QTGAL: variants seen among roughly 807,000 people sequenced by gnomAD.
QTGAL encodes queuosine-tRNA galactosyltransferase.
At chr17:83,036,849 C>T in the QTGAL span, among the ~76,000 whole-genome samples, 115 of 152,258 alleles carry the variant, frequency 7.6e-4, no homozygotes, top group South Asian at 8.7e-3. Flanking sequence ...GAAGGCTCAA[C>T]TTCCCCCTGC....
At chr17:83,006,998 G>A in the QTGAL span, 3 of 391,160 alleles carry the variant, frequency 7.7e-6, no homozygotes, top group African/African-American at 2.2e-5. The surrounding 1 kb of genome is among the most constrained non-coding windows in gnomAD (Gnocchi z 5.8). Context: ...TGGGTGTCTC[G>A]GTTTTCATTC....
chr17:82,947,504 T>C, the QTGAL span: 1 of 153,682 alleles, frequency 6.5e-6, no homozygotes, highest in Non-Finnish European at 1.4e-5. Context: ...TCTTGTCCTG[T>C]GTGCTGGCCT....
chr17:82,950,794 T>G, the QTGAL span, among the ~76,000 whole-genome samples: 2 of 152,190 alleles, frequency 1.3e-5, no homozygotes, highest in Non-Finnish European at 2.9e-5. Context: ...AGCAGTCGTA[T>G]TTTGAAAGGA....
At chr17:83,042,932 CA>C in the QTGAL span, among the ~76,000 whole-genome samples, 1 of 152,066 alleles carries the variant, frequency 6.6e-6, no homozygotes, top group Non-Finnish European at 1.5e-5. Context: ...GACTTCAACT[CA>C]AAAATTATTA....
chr17:82,997,855 G>C, the QTGAL span, among the ~76,000 whole-genome samples: 1 of 151,420 alleles, frequency 6.6e-6, no homozygotes, highest in Non-Finnish European at 1.5e-5. Context: ...AGAATAAAAG[G>C]ATGGTTACCA....
the QTGAL span, among the ~76,000 whole-genome samples, chr17:83,020,400 C>T: frequency 3.3e-5 from 5 of 152,144 alleles, no homozygotes; most frequent in Non-Finnish European, 2.9e-5. Flanking sequence ...CTTCCAGGAA[C>T]GGACGAATAA....
the QTGAL span, among the ~76,000 whole-genome samples, chr17:83,029,942 C>T: frequency 0.015 from 2,224 of 152,286 alleles, 53 homozygotes; most frequent in African/African-American, 0.051. Context: ...AATAAATCTG[C>T]CTTTCTTGAC....
chr17:83,041,085 G>T, the QTGAL span, among the ~76,000 whole-genome samples: 1 of 137,778 alleles, frequency 7.3e-6, no homozygotes, highest in African/African-American at 2.6e-5. Flanking sequence ...AAAAAAAAAT[G>T]GCTGAAAAAT....
chr17:82,959,772 T>C, the QTGAL span, among the ~76,000 whole-genome samples: 1 of 152,014 alleles, frequency 6.6e-6, no homozygotes, highest in East Asian at 1.9e-4. Flanking sequence ...GACGGCCCCT[T>C]GTCTCCTGGG....
chr17:82,994,129 TAGA>T, the QTGAL span, among the ~76,000 whole-genome samples: 1 of 151,742 alleles, frequency 6.6e-6, no homozygotes, highest in Non-Finnish European at 1.5e-5. Context: ...CCAAAATTAG[TAGA>T]AGAAAATAAA....
the QTGAL span, among the ~76,000 whole-genome samples, chr17:82,983,540 C>T: frequency 1.2e-3 from 180 of 152,268 alleles, no homozygotes; most frequent in African/African-American, 3.2e-3. Flanking sequence ...TCAGAAACTA[C>T]GAAGAGTGGG....
the QTGAL span, among the ~76,000 whole-genome samples, chr17:82,967,725 TTGAGCCCAGGACTC>T: frequency 6.6e-6 from 1 of 151,898 alleles, no homozygotes; most frequent in African/African-American, 2.4e-5. Flanking sequence ...GGAGAATCGC[TTGAGCCCAGGACTC>T]TGAGACCAGC....
chr17:82,991,366 C>CATGGTAGTGA, the QTGAL span, among the ~76,000 whole-genome samples: 5 of 152,190 alleles, frequency 3.3e-5, no homozygotes, highest in African/African-American at 1.2e-4. Context: ...ATACTGTTCT[C>CATGGTAGTGA]ATGGTAGTGA....
chr17:83,002,719 C>T, the QTGAL span, among the ~76,000 whole-genome samples: 17 of 152,220 alleles, frequency 1.1e-4, no homozygotes, highest in African/African-American at 3.4e-4. Context: ...CACAGAAGCA[C>T]AGTCCACTGC....
the QTGAL span, among the ~76,000 whole-genome samples, chr17:83,030,598 G>A: frequency 2.2e-4 from 34 of 152,316 alleles, no homozygotes; most frequent in Admixed American, 8.5e-4. Flanking sequence ...GGATGAGAAC[G>A]GCCAGGCTTG....
chr17:82,992,645 A>G, the QTGAL span, among the ~76,000 whole-genome samples: 1 of 152,216 alleles, frequency 6.6e-6, no homozygotes, highest in Admixed American at 6.5e-5. Flanking sequence ...CACTGCTAAT[A>G]TGAGTACACA....
the QTGAL span, among the ~76,000 whole-genome samples, chr17:82,956,218 C>T: frequency 1.3e-5 from 2 of 151,888 alleles, no homozygotes; most frequent in Admixed American, 6.6e-5. The surrounding 1 kb of genome is among the most constrained non-coding windows in gnomAD (Gnocchi z 5.7). Flanking sequence ...GGACTCCCCA[C>T]GCTTGGGGAA....
chr17:83,044,444 T>C, the QTGAL span, among the ~76,000 whole-genome samples: 2 of 152,332 alleles, frequency 1.3e-5, no homozygotes, highest in East Asian at 1.9e-4. Context: ...CACCCTTTCA[T>C]GATTTAAAAA....
chr17:82,982,973 T>G, the QTGAL span, among the ~76,000 whole-genome samples: 2 of 152,314 alleles, frequency 1.3e-5, no homozygotes, highest in East Asian at 3.9e-4. Context: ...GAACTCTCTG[T>G]GCTATTAATA....
Sources: gnomAD v4.1 joint callset for allele counts (sites outside exome capture counted in the v4.1 genomes callset) on GRCh38, gnomAD v4.1.1 for gene constraint, Gnocchi (gnomAD v3.1) non-coding constraint, MANE v1.5 for transcripts, NCBI Gene and HGNC (gene_info 2026-07-23, HGNC 2026-07-21) for gene names.